SMIM14: variants seen among roughly 807,000 people sequenced by gnomAD.
SMIM14 encodes chromosome 4 open reading frame 34.
Under a neutral mutation model 12.6 loss-of-function variants are expected in SMIM14, and 5 were observed. The ratio of observed to expected loss-of-function variants is 0.40; its 90% CI spans 0.21 to 0.83. The LOEUF is 0.83. Among genes scored for constraint, SMIM14 ranks in the 40% least tolerant of loss-of-function variants. The pLI is 0.37. For missense variants in SMIM14, 86 were observed against 119.1 expected, an observed-to-expected ratio of 0.72 and a Z score of 1.29; for synonymous variants, 30 against 40.1, an observed-to-expected ratio of 0.75 and a Z score of 0.95.
At chr4:39,637,383 TC>T (rs1716134719) in intron 1 of SMIM14, among the ~76,000 whole-genome samples, 1 of 152,174 alleles carries the variant, frequency 6.6e-6, no homozygotes, top group Non-Finnish European at 1.5e-5. Flanking sequence ...AAAAAATATC[TC>T]AACGGCAAAC....
chr4:39,606,331 G>A (rs1265667460), intron 1 of SMIM14, among the ~76,000 whole-genome samples: 2 of 147,270 alleles, frequency 1.4e-5, no homozygotes, highest in African/African-American at 2.5e-5. Flanking sequence ...GGGCAACACA[G>A]TGAGTTCATG....
chr4:39,554,249 C>G (rs1298827369), intron 4 of SMIM14, among the ~76,000 whole-genome samples: 1 of 152,182 alleles, frequency 6.6e-6, no homozygotes, highest in Admixed American at 6.5e-5. Flanking sequence ...AATGCAGGCA[C>G]AGCACCTGAG....
At chr4:39,628,614 G>C (rs895638469) in intron 1 of SMIM14, among the ~76,000 whole-genome samples, 1 of 151,758 alleles carries the variant, frequency 6.6e-6, no homozygotes, top group Non-Finnish European at 1.5e-5. Context: ...CCTGGTAGGA[G>C]GAGGTTGCAG....
At chr4:39,569,874 C>T (rs983293285) in intron 3 of SMIM14, among the ~76,000 whole-genome samples, 2 of 152,212 alleles carry the variant, frequency 1.3e-5, no homozygotes, top group African/African-American at 4.8e-5. Context: ...TTATACACAA[C>T]CCTACAGACT....
intron 2 of SMIM14, among the ~76,000 whole-genome samples, chr4:39,579,838 C>T (rs1360647188): frequency 1.5e-4 from 12 of 78,688 alleles, no homozygotes; most frequent in Non-Finnish European, 2.3e-4. Context: ...AGTGAGACTC[C>T]GTCTCAAAAA....
chr4:39,623,310 T>G (rs529102334), intron 1 of SMIM14, among the ~76,000 whole-genome samples: 1 of 152,102 alleles, frequency 6.6e-6, no homozygotes. Flanking sequence ...TGCTAAAAAT[T>G]TCAAATTATT....
rs1390098435 is a variant in SMIM14 at position 39,576,658 on chromosome 4, G to GTATATATATATATATATATATATA, written c.76-4196_76-4195insTATATATATATATATATATATATA. Among the ~76,000 whole-genome samples the GTATATATATATATATATATATATA allele has an allele frequency of 5.2e-4, 21 of 40,418 alleles. 2 individuals carry two copies. The highest frequency in any genetic ancestry group is 4.4e-3 in the South Asian group (4 of 900). 26.5% of individuals were successfully genotyped at this position (40,418 alleles called of 152,430 possible). On this transcript the variant is annotated intron_variant, in intron 2 of 4. Coordinates refer to ENST00000295958, the MANE Select transcript of SMIM14 (RefSeq NM_174921.3). ...AACTTATACCTATGTGTGTGTGTAT[G>GTATATATATATATATATATATATA]TGTATATATATATATATATATATAT... is the stretch of plus-strand genomic sequence containing the variant.
At chr4:39,555,527 C>T (rs1051252108) in intron 4 of SMIM14, among the ~76,000 whole-genome samples, 3 of 152,234 alleles carry the variant, frequency 2.0e-5, no homozygotes, top group African/African-American at 4.8e-5. Flanking sequence ...GCCACAGTGC[C>T]TGGCCAACAG....
At chr4:39,566,245 CAAGGATGAGTCTCAG>C (rs1397864345) in intron 3 of SMIM14, among the ~76,000 whole-genome samples, 1 of 151,508 alleles carries the variant, frequency 6.6e-6, no homozygotes, top group African/African-American at 2.4e-5. Flanking sequence ...AAAGGGAAGC[CAAGGATGAGTCTCAG>C]AAGGATAGAA....
chr4:39,605,315 CTATT>C (rs1167488739), intron 1 of SMIM14, 135 bp from the exon 2 acceptor site: 11 of 513,220 alleles, frequency 2.1e-5, no homozygotes, highest in Non-Finnish European at 2.7e-5. Flanking sequence ...TGACTTGTAT[CTATT>C]AATTTATTAT....
intron 1 of SMIM14, among the ~76,000 whole-genome samples, chr4:39,612,329 A>T (rs749846568): frequency 1.3e-5 from 2 of 150,976 alleles, no homozygotes; most frequent in Non-Finnish European, 3.0e-5. Context: ...ATCTCGGCTC[A>T]CTGCAACCTC....
At chr4:39,574,904 CAGG>C (rs1713086588) in intron 2 of SMIM14, among the ~76,000 whole-genome samples, 1 of 151,928 alleles carries the variant, frequency 6.6e-6, no homozygotes, top group African/African-American at 2.4e-5. Flanking sequence ...GAAGCCAAGG[CAGG>C]AGGATAGCTT....
At chr4:39,613,409 A>C (rs1715104135) in intron 1 of SMIM14, among the ~76,000 whole-genome samples, 1 of 152,226 alleles carries the variant, frequency 6.6e-6, no homozygotes, top group Admixed American at 6.5e-5. Flanking sequence ...GAGCTGTTTT[A>C]AGTACTACTC....
intron 2 of SMIM14, among the ~76,000 whole-genome samples, chr4:39,576,660 GTATATATATATA>G (rs1298743756): frequency 1.4e-5 from 1 of 72,378 alleles, no homozygotes; most frequent in African/African-American, 6.0e-5. Flanking sequence ...GTGTGTATGT[GTATATATATATA>G]TATATATATA....
intron 1 of SMIM14, among the ~76,000 whole-genome samples, chr4:39,636,951 C>T (rs1325688924): frequency 6.6e-6 from 1 of 152,068 alleles, no homozygotes; most frequent in Non-Finnish European, 1.5e-5. Flanking sequence ...CTCGGGAAAC[C>T]CCTGAAAGTG....
At chr4:39,573,545 C>A (rs1357071008) in intron 2 of SMIM14, among the ~76,000 whole-genome samples, 1 of 152,108 alleles carries the variant, frequency 6.6e-6, no homozygotes. Context: ...TGACCCATTT[C>A]ATTAAATAAT....
At position 39,595,687 on chromosome 4, in the gene SMIM14, C is replaced by T. The variant is rs182149963; in HGVS notation, c.75+9384G>A. Among the ~76,000 whole-genome samples, 284 of 149,578 alleles carry T rather than the reference C, an allele frequency of 1.9e-3. 1 individual carries two copies. Among genetic ancestry groups the T allele is most frequent in the Admixed American group, 6.1e-3 (92 of 14,998 alleles). On this transcript the variant is annotated intron_variant, in intron 2 of 4. Coordinates refer to ENST00000295958, the MANE Select transcript of SMIM14 (RefSeq NM_174921.3). ...GCAGTGGCACAATCTTGGCTCACTT[C>T]AACCTCTGCCTCCTGGGCTCAAGCG...
At chr4:39,609,415 A>G (rs1198779146) in intron 1 of SMIM14, among the ~76,000 whole-genome samples, 2 of 152,218 alleles carry the variant, frequency 1.3e-5, no homozygotes, top group Non-Finnish European at 2.9e-5. Context: ...TTTACTGAAG[A>G]AATTAACTAG....
chr4:39,587,645 C>T (rs1017473830), intron 2 of SMIM14, among the ~76,000 whole-genome samples: 6 of 151,156 alleles, frequency 4.0e-5, no homozygotes, highest in African/African-American at 1.5e-4. Flanking sequence ...GTGGCTCATG[C>T]CTGTAATCCT....
Sources: gnomAD v4.1 joint callset for allele counts (sites outside exome capture counted in the v4.1 genomes callset) on GRCh38, gnomAD v4.1.1 for gene constraint, MANE v1.5 for transcripts, NCBI Gene and HGNC (gene_info 2026-07-23, HGNC 2026-07-21) for gene names.